Variants in CHIC1 observed in about 807,000 individuals in gnomAD.
CHIC1 encodes cysteine-rich hydrophobic domain-containing protein 1.
In CHIC1, 7 loss-of-function variants were observed where a neutral mutation model predicts 18.5. The observed-to-expected ratio is 0.38, with a 90% CI of 0.22 to 0.71. The LOEUF (loss-of-function observed/expected upper bound fraction) is 0.71, where lower values mean the gene tolerates loss of function less well. CHIC1 is among the 30% of genes least tolerant of loss of function. The probability of loss-of-function intolerance (pLI) is 0.49; values close to 1 mark genes in which losing one functional copy is unlikely to be tolerated. For missense variants in CHIC1, 159 were observed against 176.9 expected (o/e 0.90, Z 0.57); for synonymous variants, 77 against 73.5 (o/e 1.05, Z -0.25).
chrX:73,612,772 G>A (rs920225284), intron 3 of CHIC1, among the ~76,000 whole-genome samples: 1 of 112,201 alleles, frequency 8.9e-6, no homozygotes, highest in Non-Finnish European at 1.9e-5. Flanking sequence ...TTAGAAGAAC[G>A]TGGATTCTGT....
At position 73,601,625 on chromosome X, in the gene CHIC1, A is replaced by G. The variant is rs1458144301; in HGVS notation, c.507+17053A>G. Among the ~76,000 whole-genome samples, 7 of 103,667 alleles carry G rather than the reference A, an allele frequency of 6.8e-5. No homozygotes were observed. The East Asian group carries it at 2.1e-3, about 30-fold the overall frequency. 90.0% of individuals were successfully genotyped at this position (103,667 alleles called of 115,157 possible). A position where few individuals can be genotyped will look rare whatever the true frequency, so the allele number is the denominator to read the frequency against. On this transcript the variant is annotated intron_variant, in intron 3 of 5. Coordinates refer to ENST00000373502, the MANE Select transcript of CHIC1 (RefSeq NM_001039840.4). ...AGAAAGCAGGAAAGATCCAAAATTG[A>G]CACCCTAACATCACAATTAAAAGAA...
At chrX:73,627,008 C>T (rs773665420) in intron 3 of CHIC1, among the ~76,000 whole-genome samples, 18 of 110,238 alleles carry the variant, frequency 1.6e-4, no homozygotes, top group African/African-American at 5.6e-4. Context: ...GCATATGGGG[C>T]ATCCTGAGCC....
At chrX:73,660,410 G>A (rs754273878) in intron 3 of CHIC1, among the ~76,000 whole-genome samples, 4 of 112,062 alleles carry the variant, frequency 3.6e-5, no homozygotes, top group Non-Finnish European at 5.6e-5. Context: ...GTGACAGGGC[G>A]GAAGAAAGGC....
At chrX:73,571,930 T>G (rs2057472471) in intron 1 of CHIC1, among the ~76,000 whole-genome samples, 2 of 110,892 alleles carry the variant, frequency 1.8e-5, no homozygotes, top group South Asian at 7.5e-4. Flanking sequence ...ACAAGGACAG[T>G]ATGAAATTCC....
At chrX:73,637,604 G>A (rs2057837001) in intron 3 of CHIC1, among the ~76,000 whole-genome samples, 1 of 110,229 alleles carries the variant, frequency 9.1e-6, no homozygotes, top group South Asian at 3.8e-4. Flanking sequence ...CCTAACTTCT[G>A]CTTTGTTGAT....
At chrX:73,570,344 A>G (rs977732226) in intron 1 of CHIC1, among the ~76,000 whole-genome samples, 1 of 111,117 alleles carries the variant, frequency 9.0e-6, no homozygotes, top group African/African-American at 3.3e-5. Context: ...ATGAGCAAGG[A>G]CAAGAGCCAA....
At chrX:73,651,804 C>T (rs1180579615) in intron 3 of CHIC1, among the ~76,000 whole-genome samples, 1 of 111,566 alleles carries the variant, frequency 9.0e-6, no homozygotes, top group Non-Finnish European at 1.9e-5. Flanking sequence ...ATGAACATGG[C>T]CGTACTGCCC....
chrX:73,655,719 T>C lies in CHIC1; in HGVS notation c.508-23607T>C, dbSNP rs772450090. Reference sequence around the variant, plus strand: ...ATCATTGATGGGCATTTCTGTTGATTCCATTGATTCTTTTGATTCTCTCTT... The same window carrying C: ...ATCATTGATGGGCATTTCTGTTGATCCCATTGATTCTTTTGATTCTCTCTT... On this transcript the variant is annotated intron_variant, in intron 3 of 5. Transcript: ENST00000373502. Among the ~76,000 whole-genome samples, 5 of 104,820 alleles carry C rather than the reference T, an allele frequency of 4.8e-5. No individual in the cohort carries two copies. The South Asian group carries it at 1.7e-3, about 36-fold the overall frequency. 91.0% of individuals were successfully genotyped at this position (104,820 alleles called of 115,157 possible).
At chrX:73,641,153 G>C (rs2057854041) in intron 3 of CHIC1, among the ~76,000 whole-genome samples, 1 of 111,315 alleles carries the variant, frequency 9.0e-6, no homozygotes, top group Admixed American at 9.5e-5. Flanking sequence ...GTATGGTTTT[G>C]AGTTATTTTC....
At chrX:73,606,450 T>A (rs1247821843) in intron 3 of CHIC1, among the ~76,000 whole-genome samples, 2 of 107,358 alleles carry the variant, frequency 1.9e-5, no homozygotes, top group Non-Finnish European at 3.8e-5. Context: ...CTCAGCGGAG[T>A]TTGTTGTTAC....
intron 1 of CHIC1, among the ~76,000 whole-genome samples, chrX:73,565,253 A>G (rs1178908745): frequency 8.9e-6 from 1 of 112,093 alleles, no homozygotes; most frequent in Non-Finnish European, 1.9e-5. Flanking sequence ...CGTTTAGTCC[A>G]TAATTTTATA....
Position 73,602,756 on chromosome X carries a change from A to T in CHIC1, c.507+18184A>T, listed in dbSNP as rs763475356. Reference sequence around the variant, plus strand: ...ATGGCTAGCCAGTTTTCCCAACACCATTTATTAAATAGGGAATCCTTTCCC... The same window carrying T: ...ATGGCTAGCCAGTTTTCCCAACACCTTTTATTAAATAGGGAATCCTTTCCC... On this transcript the variant is annotated intron_variant, in intron 3 of 5. Coordinates refer to ENST00000373502, the MANE Select transcript of CHIC1 (RefSeq NM_001039840.4). Among the ~76,000 whole-genome samples the T allele has an allele frequency of 2.4e-4, 26 of 108,871 alleles. No homozygotes were observed. In the East Asian group the frequency reaches 6.8e-3, roughly 29 times the overall value. 94.5% of individuals were successfully genotyped at this position (108,871 alleles called of 115,157 possible). A position where few individuals can be genotyped will look rare whatever the true frequency, so the allele number is the denominator to read the frequency against.
intron 3 of CHIC1, among the ~76,000 whole-genome samples, chrX:73,633,512 G>A (rs1184141345): frequency 9.0e-6 from 1 of 111,422 alleles, no homozygotes; most frequent in Non-Finnish European, 1.9e-5. Flanking sequence ...TCTCAGTGAA[G>A]ACCTCTTGGC....
intron 3 of CHIC1, among the ~76,000 whole-genome samples, chrX:73,616,595 A>G (rs781428875): frequency 8.9e-6 from 1 of 111,933 alleles, no homozygotes; most frequent in South Asian, 3.8e-4. Context: ...AGGCATTTCC[A>G]TACATCCTCT....
chrX:73,682,232 T>C lies in CHIC1; in HGVS notation c.*1227T>C, dbSNP rs900665845. 13 of 112,051 alleles carry C rather than the reference T, an allele frequency of 1.2e-4. No homozygotes were observed. The highest frequency in any genetic ancestry group is 4.2e-4 in the African/African-American group (13 of 30,966). 9.2% of individuals were successfully genotyped at this position (112,051 alleles called of 1,213,427 possible). A position where few individuals can be genotyped will look rare whatever the true frequency, so the allele number is the denominator to read the frequency against. ...GACAAGTGTTTAGACAAAAGTATTT[T>C]AGTTTATAAATTCAGCACATATGTA... On this transcript the variant is annotated 3_prime_UTR_variant, in exon 6 of 6. Transcript: ENST00000373502.
intron 3 of CHIC1, among the ~76,000 whole-genome samples, chrX:73,659,662 G>A (rs1262211782): frequency 2.7e-5 from 3 of 111,603 alleles, no homozygotes; most frequent in African/African-American, 9.8e-5. Flanking sequence ...TGGAGTTTTG[G>A]GATGTAATGG....
chrX:73,686,276 GTGTGTGTT>G lies in CHIC1; in HGVS notation c.*5281_*5288del, dbSNP rs1269980480. 9.0e-6 allele frequency: 1 copy of G among 111,161 alleles called. No homozygotes were observed. Among genetic ancestry groups the G allele is most frequent in the Non-Finnish European group, 1.9e-5 (1 of 52,819 alleles). 9.2% of individuals were successfully genotyped at this position (111,161 alleles called of 1,213,427 possible). On this transcript the variant is annotated 3_prime_UTR_variant, in exon 6 of 6. Transcript: ENST00000373502. ...TTACCTAGTCTCTAAATAATGAAAT[GTGTGTGTT>G]TGTGTGTTTTGGCTATATTAGGCTA...
intron 3 of CHIC1, among the ~76,000 whole-genome samples, chrX:73,629,150 A>AT (rs770593657): frequency 1.3e-4 from 14 of 108,721 alleles, no homozygotes; most frequent in East Asian, 1.2e-3. Flanking sequence ...TTTAATCAGG[A>AT]TTTTTTTTTC....
intron 3 of CHIC1, among the ~76,000 whole-genome samples, chrX:73,662,785 T>A (rs1222255880): frequency 9.0e-6 from 1 of 110,944 alleles, no homozygotes; most frequent in Non-Finnish European, 1.9e-5. Context: ...ACCTCTTAAC[T>A]GTATTCTTTA....
Sources: gnomAD v4.1 joint callset for allele counts (sites outside exome capture counted in the v4.1 genomes callset) on GRCh38, gnomAD v4.1.1 for gene constraint, MANE v1.5 for transcripts, NCBI Gene and HGNC (gene_info 2026-07-23, HGNC 2026-07-21) for gene names.